Variants in SBF2 observed in about 807,000 individuals in gnomAD.
The protein encoded by SBF2 is myotubularin-related protein 13.
SBF2 carries 112 observed loss-of-function variants against 225.2 expected under a neutral mutation model. That is an observed-to-expected ratio of 0.50 (90% CI 0.43 to 0.58). The LOEUF (loss-of-function observed/expected upper bound fraction) is 0.58. Ranked by LOEUF, SBF2 falls within the 20% of genes least tolerant of loss-of-function variation. SBF2 has a pLI of 0.00. For synonymous variants in SBF2, 763 were observed against 773.3 expected (o/e 0.99, Z 0.22); for missense variants, 1,996 against 2,206.2 (o/e 0.90, Z 1.91).
Position 9,780,328 on chromosome 11 carries a change from T to C in SBF2, c.*90A>G. 8.7e-7 allele frequency: 1 copy of C among 1,144,620 alleles called. No individual in the cohort carries two copies. The highest frequency in any genetic ancestry group is 1.3e-6 in the Non-Finnish European group (1 of 776,720). 70.9% of individuals were successfully genotyped at this position (1,144,620 alleles called of 1,614,324 possible). A position where few individuals can be genotyped will look rare whatever the true frequency, so the allele number is the denominator to read the frequency against. On this transcript the variant is annotated 3_prime_UTR_variant, in exon 40 of 40. Transcript: ENST00000256190. ...GAACCTCAGGCCCTGGGATAACTTGTTGTCAGCTCCTCAAGGATCCATGCT... is the reference window on the plus strand; with the variant it reads ...GAACCTCAGGCCCTGGGATAACTTGCTGTCAGCTCCTCAAGGATCCATGCT...
chr11:10,081,174 CA>C (rs1408863119), intron 2 of SBF2, among the ~76,000 whole-genome samples: 1 of 151,696 alleles, frequency 6.6e-6, no homozygotes, highest in Non-Finnish European at 1.5e-5. Context: ...TATTAGGTCA[CA>C]AAAAAAGTCT....
chr11:9,842,687 G>GTCT lies in SBF2; in HGVS notation c.3191_3193dup (p.Lys1064dup). Reference sequence around the variant, plus strand: ...TACTCTTTCTTCCACAATTGTCCCTGTCTTCTTCTTCAGTAAATATTGCCG... The same window carrying GTCT: ...TACTCTTTCTTCCACAATTGTCCCTGTCTTCTTCTTCTTCAGTAAATATTGCCG... On this transcript the variant is annotated inframe_insertion, in exon 25 of 40. Coordinates refer to ENST00000256190, the MANE Select transcript of SBF2 (RefSeq NM_030962.4). 6.2e-7 allele frequency: 1 copy of GTCT among 1,613,942 alleles called. No homozygotes were observed. Among genetic ancestry groups the GTCT allele is most frequent in the Non-Finnish European group, 8.5e-7 (1 of 1,179,896 alleles).
At chr11:9,974,725 T>A (rs1324795698) in intron 13 of SBF2, among the ~76,000 whole-genome samples, 1 of 150,558 alleles carries the variant, frequency 6.6e-6, no homozygotes, top group East Asian at 1.9e-4. Context: ...TCCCAGCACT[T>A]TGCGAGGCCG....
intron 16 of SBF2, chr11:9,959,683 C>A (rs1037128335): frequency 5.5e-6 from 4 of 730,256 alleles, no homozygotes; most frequent in African/African-American, 3.5e-5. Flanking sequence ...TGCTTGAGTA[C>A]CATCGATTCA....
chr11:10,094,528 A>ATTTTTTTTTTTTTTTTTTTTT (rs60485793), intron 2 of SBF2, among the ~76,000 whole-genome samples: 5 of 107,284 alleles, frequency 4.7e-5, no homozygotes, highest in East Asian at 3.1e-4. Context: ...ATACACACAG[A>ATTTTTTTTTTTTTTTTTTTTT]TTTTTTTTTT....
chr11:10,040,740 A>G (rs1949621773), intron 3 of SBF2, among the ~76,000 whole-genome samples: 1 of 150,774 alleles, frequency 6.6e-6, no homozygotes, highest in Admixed American at 6.6e-5. Flanking sequence ...GTGTGTGTGT[A>G]TGGGGGAGAT....
At chr11:9,942,901 G>GAAAGAAAGAAAGAA (rs1554962757) in intron 16 of SBF2, among the ~76,000 whole-genome samples, 6 of 101,312 alleles carry the variant, frequency 5.9e-5, no homozygotes, top group Non-Finnish European at 1.3e-4. Flanking sequence ...AAGAGAGAGA[G>GAAAGAAAGAAAGAA]AGAAAGAAAG....
At chr11:10,049,993 T>C (rs1474365531) in intron 2 of SBF2, among the ~76,000 whole-genome samples, 1 of 152,172 alleles carries the variant, frequency 6.6e-6, no homozygotes, top group East Asian at 1.9e-4. Flanking sequence ...ACAGCCTGCA[T>C]CATCAGTTCT....
intron 16 of SBF2, among the ~76,000 whole-genome samples, chr11:9,936,667 GC>G (rs1208507811): frequency 1.3e-5 from 2 of 152,138 alleles, no homozygotes; most frequent in Non-Finnish European, 2.9e-5. Flanking sequence ...TATGGATGAG[GC>G]TGGAAACCAT....
At chr11:10,233,581 G>A (rs1252830006) in intron 1 of SBF2, among the ~76,000 whole-genome samples, 2 of 142,118 alleles carry the variant, frequency 1.4e-5, no homozygotes, top group Admixed American at 7.2e-5. Flanking sequence ...CAAAGATTCT[G>A]TATCATTTTA....
At chr11:9,804,376 C>T (rs446760) in intron 32 of SBF2, among the ~76,000 whole-genome samples, 127,526 of 152,216 alleles carry the variant, frequency 0.84, 54,119 homozygotes, top group Non-Finnish European at 0.9. Context: ...TGTTTTCTTT[C>T]TCTGGAACTC....
intron 2 of SBF2, among the ~76,000 whole-genome samples, chr11:10,181,550 C>T (rs1446524430): frequency 1.3e-5 from 2 of 152,018 alleles, no homozygotes; most frequent in East Asian, 1.9e-4. Context: ...TAAAAAAGTA[C>T]ATTTTACTAA....
At chr11:10,136,169 C>T (rs902007296) in intron 2 of SBF2, among the ~76,000 whole-genome samples, 7 of 152,174 alleles carry the variant, frequency 4.6e-5, no homozygotes, top group Non-Finnish European at 8.8e-5. Context: ...TTCACTATCA[C>T]GAGAATATCA....
At chr11:10,067,883 C>T (rs1465101690) in intron 2 of SBF2, among the ~76,000 whole-genome samples, 2 of 151,818 alleles carry the variant, frequency 1.3e-5, no homozygotes, top group East Asian at 3.9e-4. Flanking sequence ...AAAATGATAC[C>T]CCTCCCCCGA....
intron 16 of SBF2, chr11:9,958,547 A>G (rs1384024363): frequency 6.0e-6 from 1 of 167,542 alleles, no homozygotes; most frequent in Non-Finnish European, 1.3e-5. Context: ...TTTAGTAGAG[A>G]CGGGGTTTCA....
At chr11:9,984,988 T>C (rs938615272) in intron 13 of SBF2, among the ~76,000 whole-genome samples, 2 of 152,114 alleles carry the variant, frequency 1.3e-5, no homozygotes, top group Admixed American at 6.5e-5. Context: ...CTTTAAAGCA[T>C]AAATCACACG....
At chr11:10,228,555 T>C (rs1958680713) in intron 1 of SBF2, among the ~76,000 whole-genome samples, 1 of 152,220 alleles carries the variant, frequency 6.6e-6, no homozygotes, top group Admixed American at 6.5e-5. Context: ...TTCAAAGGCC[T>C]TTTCTGCATC....
At chr11:10,135,248 G>A (rs983713474) in intron 2 of SBF2, among the ~76,000 whole-genome samples, 9 of 152,138 alleles carry the variant, frequency 5.9e-5, no homozygotes, top group African/African-American at 2.2e-4. Context: ...GCACACAGCA[G>A]TGGGACCCTG....
intron 2 of SBF2, among the ~76,000 whole-genome samples, chr11:10,108,665 C>T (rs886285226): frequency 6.6e-6 from 1 of 151,710 alleles, no homozygotes; most frequent in Non-Finnish European, 1.5e-5. Flanking sequence ...GCTGGGACTA[C>T]AGGCGCCCGC....
Sources: allele counts gnomAD v4.1 joint callset (sites outside exome capture counted in the v4.1 genomes callset), GRCh38; gene constraint gnomAD v4.1.1; transcripts MANE v1.5; gene names NCBI Gene and HGNC (gene_info 2026-07-23, HGNC 2026-07-21).